Variants in SLC1A3 observed in about 807,000 individuals in gnomAD.
SLC1A3 encodes solute carrier family 1 member 3.
In SLC1A3, 21 loss-of-function variants were observed where a neutral mutation model predicts 48.1. The observed-to-expected ratio is 0.44, with a 90% CI of 0.31 to 0.63. SLC1A3 has a LOEUF of 0.63. Ranked by LOEUF, SLC1A3 falls within the 20% of genes least tolerant of loss-of-function variation. SLC1A3 has a pLI of 0.08. For missense variants in SLC1A3, 546 were observed against 689.0 expected, an observed-to-expected ratio of 0.79 and a Z score of 2.32; for synonymous variants, 239 against 251.4, an observed-to-expected ratio of 0.95 and a Z score of 0.47.
rs772256783 is a variant in SLC1A3 at position 36,671,237 on chromosome 5, T to G, written c.524+4T>G. The G allele has an allele frequency of 5.0e-6, 8 of 1,607,910 alleles. No individual in the cohort carries two copies. The highest frequency in any genetic ancestry group is 1.7e-5 in the Admixed American group (1 of 59,886). On this transcript the variant is annotated splice_donor_region_variant and intron_variant, in intron 4 of 9. Coordinates refer to ENST00000265113, the MANE Select transcript of SLC1A3 (RefSeq NM_004172.5). ...ATGCCTTCCTGGACTTGATCAGGTA[T>G]GTCCTTGCAAGCCCGTCCTTTGGGG...
intron 3 of SLC1A3, chr5:36,630,574 A>G (rs1281549298): frequency 6.6e-6 from 1 of 152,272 alleles, no homozygotes; most frequent in Non-Finnish European, 1.5e-5. Flanking sequence ...CTCTACCTCT[A>G]TGTGAGCTGG....
intron 2 of SLC1A3, among the ~76,000 whole-genome samples, chr5:36,617,876 A>G (rs1167109372): frequency 1.3e-5 from 2 of 152,238 alleles, no homozygotes; most frequent in African/African-American, 4.8e-5. Flanking sequence ...TCACCCATGT[A>G]TCTGGATATA....
intron 2 of SLC1A3, among the ~76,000 whole-genome samples, chr5:36,623,722 T>G (rs1275582545): frequency 2.7e-5 from 4 of 150,160 alleles, no homozygotes; most frequent in African/African-American, 4.9e-5. Context: ...AAATTAGCCA[T>G]GCATGGTGGC....
chr5:36,613,407 C>A (rs371833735), intron 2 of SLC1A3: 1 of 152,502 alleles, frequency 6.6e-6, no homozygotes, highest in Non-Finnish European at 1.5e-5. Flanking sequence ...TGTGCCTGGA[C>A]GTAACTGACC....
chr5:36,598,977 C>T (rs145230211), intron 1 of SLC1A3, among the ~76,000 whole-genome samples: 1 of 152,246 alleles, frequency 6.6e-6, no homozygotes, highest in African/African-American at 2.4e-5. Flanking sequence ...CAAAATATTA[C>T]CATTACAACA....
chr5:36,686,152 C>T lies in SLC1A3; in HGVS notation c.1512C>T (p.Asn504=), dbSNP rs1318240453. The T allele has an allele frequency of 6.2e-7, 1 of 1,613,840 alleles. No individual in the cohort carries two copies. Among genetic ancestry groups the T allele is most frequent in the Non-Finnish European group, 8.5e-7 (1 of 1,179,878 alleles). Reference sequence around the variant, plus strand: ...ACTTGTCACGACATGAACTGAAGAACAGAGATGTTGAAATGGGTAACTCAG... The same window carrying T: ...ACTTGTCACGACATGAACTGAAGAATAGAGATGTTGAAATGGGTAACTCAG... The part of the protein sequence containing the change: ...VEHLSRHELK[N]RDVEMGNSVI... The change falls in exon 10 of 10, where the codon AAC becomes AAT. Residue 504 remains asparagine, a synonymous_variant. Transcript: ENST00000265113.
rs1308030613 is a variant in SLC1A3 at position 36,687,944 on chromosome 5, A to G, written c.*1675A>G. The G allele has an allele frequency of 6.6e-6, 1 of 152,332 alleles. No individual in the cohort carries two copies. Among genetic ancestry groups the G allele is most frequent in the African/African-American group, 2.4e-5 (1 of 41,452 alleles). The allele number at this position is 152,332 out of a possible 1,614,324, so 9.4% of individuals were successfully genotyped here. A position where few individuals can be genotyped will look rare whatever the true frequency, so the allele number is the denominator to read the frequency against. The stretch of plus-strand genomic sequence containing the variant: ...AGAATGGACTTAATTATGCTAACAA[A>G]CTGAAAAATCTAGACATAGATCCTC... On this transcript the variant is annotated 3_prime_UTR_variant, in exon 10 of 10. Coordinates refer to ENST00000265113, the MANE Select transcript of SLC1A3 (RefSeq NM_004172.5).
intron 5 of SLC1A3, among the ~76,000 whole-genome samples, chr5:36,674,324 T>C (rs901146631): frequency 6.6e-6 from 1 of 152,158 alleles, no homozygotes; most frequent in Non-Finnish European, 1.5e-5. Context: ...AATATCTCAT[T>C]GAGTCTGCTA....
intron 5 of SLC1A3, among the ~76,000 whole-genome samples, chr5:36,675,729 G>C (rs1003207899): frequency 2.6e-5 from 4 of 152,182 alleles, no homozygotes. Context: ...CAATTTTTTT[G>C]TTGCTTGAAA....
chr5:36,688,134 A>C lies in SLC1A3; in HGVS notation c.*1865A>C, dbSNP rs1742729408. 6.6e-6 allele frequency: 1 copy of C among 152,232 alleles called. No homozygotes were observed. The allele number at this position is 152,232 out of a possible 1,614,324, so 9.4% of individuals were successfully genotyped here. ...TCCTCTTAAGACACTAGTAGAGCAA[A>C]GACTTAATCATATCAACTTAATTCT... On this transcript the variant is annotated 3_prime_UTR_variant, in exon 10 of 10. Coordinates refer to ENST00000265113, the MANE Select transcript of SLC1A3 (RefSeq NM_004172.5).
At chr5:36,614,444 T>C (rs1372744798) in intron 2 of SLC1A3, among the ~76,000 whole-genome samples, 1 of 152,076 alleles carries the variant, frequency 6.6e-6, no homozygotes, top group East Asian at 1.9e-4. Flanking sequence ...AGAGCCTTAA[T>C]AGTTGTAACG....
At chr5:36,664,828 T>A (rs1414425851) in intron 3 of SLC1A3, among the ~76,000 whole-genome samples, 1 of 152,236 alleles carries the variant, frequency 6.6e-6, no homozygotes, top group East Asian at 1.9e-4. Flanking sequence ...TAGGCTCATC[T>A]GCAAGAGGGA....
chr5:36,616,375 G>C (rs374052800), intron 2 of SLC1A3, among the ~76,000 whole-genome samples: 2 of 152,172 alleles, frequency 1.3e-5, no homozygotes, highest in African/African-American at 4.8e-5. Flanking sequence ...GATATACCCT[G>C]GATAAGTTAA....
chr5:36,613,775 G>A (rs1374927280), intron 2 of SLC1A3, among the ~76,000 whole-genome samples: 2 of 152,292 alleles, frequency 1.3e-5, no homozygotes, highest in Non-Finnish European at 2.9e-5. Context: ...GAGGCTGGGA[G>A]AGGAGGAGGA....
At chr5:36,602,195 TA>T (rs61562074), upstream of SLC1A3, among the ~76,000 whole-genome samples, 1 of 151,824 alleles carries the variant, frequency 6.6e-6, no homozygotes. Flanking sequence ...TATCTGTCTT[TA>T]AAAAAACTCC....
At chr5:36,631,256 C>G (rs1740122052) in intron 3 of SLC1A3, among the ~76,000 whole-genome samples, 1 of 152,154 alleles carries the variant, frequency 6.6e-6, no homozygotes, top group Non-Finnish European at 1.5e-5. Flanking sequence ...ATGTGTTACT[C>G]TTTAAAAGAG....
intron 3 of SLC1A3, among the ~76,000 whole-genome samples, chr5:36,630,842 G>A (rs1740107526): frequency 6.6e-6 from 1 of 152,194 alleles, no homozygotes; most frequent in African/African-American, 2.4e-5. Context: ...ACTGGAGAAT[G>A]AATTGCCCAT....
chr5:36,599,527 T>TTTTTTTTTTTA (rs397997372), intron 1 of SLC1A3, among the ~76,000 whole-genome samples: 1 of 145,516 alleles, frequency 6.9e-6, no homozygotes, highest in African/African-American at 2.6e-5. Context: ...TTTTTTTTTT[T>TTTTTTTTTTTA]GAGACGGAGT....
At chr5:36,596,650 C>T (rs891632963) in exon 1 of SLC1A3, among the ~76,000 whole-genome samples, 4 of 152,214 alleles carry the variant, frequency 2.6e-5, no homozygotes, top group Admixed American at 2.0e-4. Flanking sequence ...AAAGGGGAGA[C>T]TCCAGCTACC....
Sources: gnomAD v4.1 joint callset for allele counts (sites outside exome capture counted in the v4.1 genomes callset) on GRCh38, gnomAD v4.1.1 for gene constraint, MANE v1.5 for transcripts, NCBI Gene and HGNC (gene_info 2026-07-23, HGNC 2026-07-21) for gene names.